DSCAM: variants seen among roughly 807,000 people sequenced by gnomAD.
The protein encoded by DSCAM is cell adhesion molecule DSCAM.
Under a neutral mutation model 217.7 loss-of-function variants are expected in DSCAM, and 47 were observed. The ratio of observed to expected loss-of-function variants is 0.22; its 90% CI spans 0.17 to 0.28. DSCAM has a LOEUF of 0.28. Among genes scored for constraint, DSCAM ranks in the 10% least tolerant of loss-of-function variants. The probability of loss-of-function intolerance (pLI) is 1.00; values close to 1 mark genes in which losing one functional copy is unlikely to be tolerated. For synonymous variants in DSCAM, 1,056 were observed against 1,015.3 expected (o/e 1.04, Z -0.76); for missense variants, 2,080 against 2,618.3 (o/e 0.79, Z 4.49).
At chr21:40,846,235 C>T (rs532096076) in intron 1 of DSCAM, among the ~76,000 whole-genome samples, 13 of 152,218 alleles carry the variant, frequency 8.5e-5, no homozygotes, top group Non-Finnish European at 1.9e-4. Flanking sequence ...CCTCCACTTG[C>T]GTGCACTTGG....
intron 16 of DSCAM, among the ~76,000 whole-genome samples, chr21:40,166,999 A>AG (rs1242404945): frequency 6.6e-6 from 1 of 151,682 alleles, no homozygotes; most frequent in Non-Finnish European, 1.5e-5. Flanking sequence ...AAAAAAAAAA[A>AG]AGATACAACC....
At chr21:40,285,457 A>AT (rs757079297) in intron 10 of DSCAM, among the ~76,000 whole-genome samples, 154 of 152,290 alleles carry the variant, frequency 1.0e-3, no homozygotes, top group Non-Finnish European at 2.1e-3. Context: ...GCTCAGGGTA[A>AT]TTACACTTCC....
chr21:40,785,589 T>G (rs142610337), intron 1 of DSCAM, among the ~76,000 whole-genome samples: 16 of 152,368 alleles, frequency 1.1e-4, no homozygotes, highest in Non-Finnish European at 1.3e-4. Context: ...TACATATCTT[T>G]CAGTTACCAC....
At chr21:40,283,537 G>A (rs2073789953) in intron 10 of DSCAM, among the ~76,000 whole-genome samples, 1 of 152,168 alleles carries the variant, frequency 6.6e-6, no homozygotes, top group Non-Finnish European at 1.5e-5. Context: ...GTCACCAAAT[G>A]AGCCCACTTT....
At chr21:40,767,119 T>C (rs749824558) in intron 1 of DSCAM, among the ~76,000 whole-genome samples, 2 of 152,158 alleles carry the variant, frequency 1.3e-5, no homozygotes, top group African/African-American at 2.4e-5. Context: ...GACGTTTAAT[T>C]GTCAACTAAA....
chr21:40,599,206 T>A (rs567601861), intron 3 of DSCAM, among the ~76,000 whole-genome samples: 56 of 152,296 alleles, frequency 3.7e-4, no homozygotes, highest in African/African-American at 1.3e-3. Flanking sequence ...AAGGCTTTTT[T>A]TTATTATTAT....
chr21:40,608,119 G>A (rs959899272), intron 3 of DSCAM, among the ~76,000 whole-genome samples: 1 of 152,182 alleles, frequency 6.6e-6, no homozygotes, highest in Admixed American at 6.5e-5. Flanking sequence ...GGTAGGAGGA[G>A]ACTGATTATA....
Position 40,312,205 on chromosome 21 carries a change from G to C in DSCAM, c.1938C>G (p.Asp646Glu). 6.2e-7 allele frequency: 1 copy of C among 1,614,058 alleles called. No homozygotes were observed. The highest frequency in any genetic ancestry group is 8.5e-7 in the Non-Finnish European group (1 of 1,179,994). The stretch of plus-strand genomic sequence containing the variant: ...TCAAGGAGCTCGTGAAGTCAATATT[G>C]TCAATGGTCACCCCAAGGCTCCCAG... ...PIPGSLGVTI[D>E]NIDFTSSLRI... Residue 646 changes from aspartate to glutamate, a missense_variant, in exon 9 of 33, where the codon GAC becomes GAG. By Grantham distance (45) the Asp-to-Glu change is conservative. Transcript: ENST00000400454.
intron 10 of DSCAM, among the ~76,000 whole-genome samples, chr21:40,281,854 A>AT (rs2073764695): frequency 6.6e-6 from 1 of 151,910 alleles, no homozygotes; most frequent in Admixed American, 6.6e-5. Context: ...CTTTTTCTTC[A>AT]TTTTCCAAAG....
At chr21:40,260,081 T>G (rs761273651) in intron 11 of DSCAM, among the ~76,000 whole-genome samples, 10 of 152,168 alleles carry the variant, frequency 6.6e-5, no homozygotes, top group Non-Finnish European at 1.3e-4. Flanking sequence ...TCAGGTTTTA[T>G]TATACAACAT....
At chr21:40,167,158 G>C in intron 16 of DSCAM, 60 bp downstream of exon 16, 7 of 1,491,716 alleles carry the variant, frequency 4.7e-6, no homozygotes, top group Non-Finnish European at 6.5e-6. Flanking sequence ...ACACTGAACA[G>C]GAGTGAAGGG....
chr21:40,251,609 T>A (rs1396248681), intron 11 of DSCAM, among the ~76,000 whole-genome samples: 1 of 152,112 alleles, frequency 6.6e-6, no homozygotes, highest in African/African-American at 2.4e-5. Context: ...AGCTGACAGT[T>A]CCTAAGAAAC....
intron 3 of DSCAM, among the ~76,000 whole-genome samples, chr21:40,550,496 G>C (rs1223770032): frequency 1.3e-5 from 2 of 152,188 alleles, no homozygotes; most frequent in Non-Finnish European, 2.9e-5. Context: ...TTGCACTCCA[G>C]AATGAGTGAC....
At chr21:40,546,824 G>C (rs2076586985) in intron 3 of DSCAM, among the ~76,000 whole-genome samples, 2 of 152,144 alleles carry the variant, frequency 1.3e-5, no homozygotes, top group South Asian at 2.1e-4. Context: ...AAAAAGAGAA[G>C]CTCAGGTCTT....
chr21:40,042,448 C>T lies in DSCAM; in HGVS notation c.5609G>A (p.Arg1870Lys), dbSNP rs1392545626. 1 of 1,614,096 alleles carries T rather than the reference C, an allele frequency of 6.2e-7. No homozygotes were observed. Among genetic ancestry groups the T allele is most frequent in the African/African-American group, 1.3e-5 (1 of 74,942 alleles). Residue 1870 changes from arginine (R) to lysine (K), a missense_variant, in exon 32 of 33, where the codon AGG (arginine) becomes AAG (lysine). Arg to Lys is a conservative substitution (Grantham distance 26, BLOSUM62 2). Around this residue, in one of 5 missense-constraint regions of DSCAM, gnomAD observed 1,144 missense variants for 1,421.1 expected, o/e 0.81. Transcript: ENST00000400454. ...SSTPSESGIC[R>K]FTASPPKPQD... ...AGGTTTGGGGGGAGATGCAGTGAAC[C>T]TGCAGATTCCCGATTCGGAAGGGGT...
At chr21:40,543,042 G>T (rs930110114) in intron 3 of DSCAM, among the ~76,000 whole-genome samples, 1 of 152,028 alleles carries the variant, frequency 6.6e-6, no homozygotes, top group Non-Finnish European at 1.5e-5. Context: ...TCATTTTTAA[G>T]GGGAAACAAT....
At chr21:40,119,406 T>C (rs2837431) in intron 20 of DSCAM, among the ~76,000 whole-genome samples, 22,239 of 152,070 alleles carry the variant, frequency 0.15, 1,993 homozygotes, top group African/African-American at 0.25. Flanking sequence ...TGTGGGCACA[T>C]TGAATGCGAA....
chr21:40,158,863 A>G (rs2090508060), intron 16 of DSCAM, among the ~76,000 whole-genome samples: 1 of 152,252 alleles, frequency 6.6e-6, no homozygotes, highest in South Asian at 2.1e-4. Context: ...TTATTACAGG[A>G]ATTGAAAGAA....
chr21:40,525,968 G>A (rs1051143600), intron 3 of DSCAM, among the ~76,000 whole-genome samples: 1 of 151,874 alleles, frequency 6.6e-6, no homozygotes, highest in Non-Finnish European at 1.5e-5. Context: ...ATCTCTCGGG[G>A]GCCCCAGGTG....
Sources: allele counts gnomAD v4.1 joint callset (sites outside exome capture counted in the v4.1 genomes callset), GRCh38; gene constraint gnomAD v4.1.1; regional missense constraint gnomAD v4.1.1; transcripts MANE v1.5; gene names NCBI Gene and HGNC (gene_info 2026-07-23, HGNC 2026-07-21).